NSD1: variants seen among roughly 807,000 people sequenced by gnomAD.
NSD1 encodes histone-lysine N-methyltransferase, H3 lysine-36 specific.
In NSD1, 26 loss-of-function variants were observed where a neutral mutation model predicts 242.7. The observed-to-expected ratio is 0.11, with a 90% CI of 0.08 to 0.15. NSD1 has a LOEUF of 0.15. Ranked by LOEUF, NSD1 falls within the 10% of genes least tolerant of loss-of-function variation. The pLI is 1.00. For missense variants in NSD1, 2,495 were observed against 3,272.8 expected (o/e 0.76, Z 5.80); for synonymous variants, 1,106 against 1,178.1 (o/e 0.94, Z 1.25).
chr5:177,182,604 C>T (rs1384099142), intron 2 of NSD1, among the ~76,000 whole-genome samples: 2 of 151,824 alleles, frequency 1.3e-5, no homozygotes, highest in African/African-American at 4.8e-5. Context: ...CCTCCCCTCC[C>T]TTCCCCTCCC....
intron 11 of NSD1, among the ~76,000 whole-genome samples, chr5:177,249,783 G>A (rs1213726234): frequency 3.9e-5 from 6 of 152,124 alleles, no homozygotes; most frequent in Admixed American, 2.6e-4. Flanking sequence ...CACCACGCCC[G>A]GCCAGTTCTT....
At chr5:177,208,527 TC>T (rs1171148431) in intron 4 of NSD1, among the ~76,000 whole-genome samples, 2 of 151,632 alleles carry the variant, frequency 1.3e-5, no homozygotes, top group Non-Finnish European at 2.9e-5. Context: ...TTTCTTTTTT[TC>T]TTTTCTTTTT....
chr5:177,265,947 C>G (rs1427004672), intron 14 of NSD1: 1 of 1,255,138 alleles, frequency 8.0e-7, no homozygotes, highest in African/African-American at 1.5e-5. Context: ...ATGAGGCAGG[C>G]GTTGGTAACC....
chr5:177,279,615 T>TTC (rs1367286974), intron 17 of NSD1, among the ~76,000 whole-genome samples: 1 of 106,532 alleles, frequency 9.4e-6, no homozygotes, highest in Non-Finnish European at 2.0e-5. Flanking sequence ...TGAAAATTTT[T>TTC]TTTTTTTTTT....
At chr5:177,215,227 C>T (rs559745595) in intron 5 of NSD1, among the ~76,000 whole-genome samples, 9 of 151,186 alleles carry the variant, frequency 6.0e-5, no homozygotes, top group African/African-American at 1.7e-4. Flanking sequence ...TTGCCCAGGC[C>T]GGAGTGCAAT....
chr5:177,239,057 C>T (rs996838844), intron 7 of NSD1, among the ~76,000 whole-genome samples: 2 of 152,192 alleles, frequency 1.3e-5, no homozygotes, highest in African/African-American at 2.4e-5. Flanking sequence ...CATATTGTCT[C>T]TAATTCACCT....
At chr5:177,188,875 C>T (rs905906364) in intron 2 of NSD1, among the ~76,000 whole-genome samples, 8 of 151,936 alleles carry the variant, frequency 5.3e-5, no homozygotes, top group African/African-American at 1.9e-4. Context: ...GCTTGGGCAA[C>T]GTGGTTATAT....
At chr5:177,223,922 G>T (rs1764434423) in intron 5 of NSD1, among the ~76,000 whole-genome samples, 1 of 152,188 alleles carries the variant, frequency 6.6e-6, no homozygotes, top group Admixed American at 6.5e-5. Context: ...GGAGGTGGAG[G>T]TTACAATGAG....
intron 10 of NSD1, among the ~76,000 whole-genome samples, 173 bp downstream of exon 10, chr5:177,246,969 G>A (rs995690137): frequency 6.6e-6 from 1 of 152,204 alleles, no homozygotes; most frequent in African/African-American, 2.4e-5. Context: ...ATAAGGCAAG[G>A]CATGTATTGC....
rs1756201633 is a variant in NSD1, at chr5:177,135,103, G to A, written c.-1G>A. 1 of 1,614,164 alleles carries A rather than the reference G, an allele frequency of 6.2e-7. No homozygotes were observed. Among genetic ancestry groups the A allele is most frequent in the Admixed American group, 1.7e-5 (1 of 60,026 alleles). ...GGATTCCAGGTTGATGCCGGCCCAG[G>A]ATGGATCAGACCTGTGAACTACCCA... is the stretch of plus-strand genomic sequence containing the variant. On this transcript the variant is annotated 5_prime_UTR_variant, in exon 2 of 23. Coordinates refer to ENST00000439151, the MANE Select transcript of NSD1 (RefSeq NM_022455.5).
intron 2 of NSD1, among the ~76,000 whole-genome samples, chr5:177,184,694 G>A (rs921987389): frequency 3.3e-5 from 5 of 151,880 alleles, no homozygotes; most frequent in African/African-American, 9.7e-5. Flanking sequence ...ATGTCTGCCT[G>A]GTGTGGGTGT....
At chr5:177,141,309 C>G (rs1265260490) in intron 2 of NSD1, among the ~76,000 whole-genome samples, 1 of 145,350 alleles carries the variant, frequency 6.9e-6, no homozygotes, top group Admixed American at 6.9e-5. Flanking sequence ...CGTGAGCCAC[C>G]GCGCGCAGCC....
rs753503756 is a variant in NSD1, at chr5:177,171,306, CA to C, written c.928-20566del. ...TGGCGACAGAGCGAGACTCCGTCTCCAAAAAAAAAAAAGGAAACCTTGTACG... is the reference window on the plus strand; with the variant it reads ...TGGCGACAGAGCGAGACTCCGTCTCCAAAAAAAAAAAGGAAACCTTGTACG... On this transcript the variant is annotated intron_variant, in intron 2 of 22. Coordinates refer to ENST00000439151, the MANE Select transcript of NSD1 (RefSeq NM_022455.5). Among the ~76,000 whole-genome samples, 414 of 134,542 alleles carry C rather than the reference CA, an allele frequency of 3.1e-3. 1 individual carries two copies. Among genetic ancestry groups the C allele is most frequent in the Middle Eastern group, 7.6e-3 (2 of 264 alleles). The allele number at this position is 134,542 out of a possible 152,430, so 88.3% of individuals were successfully genotyped here. A position where few individuals can be genotyped will look rare whatever the true frequency, so the allele number is the denominator to read the frequency against.
intron 2 of NSD1, among the ~76,000 whole-genome samples, chr5:177,158,266 TTTCTTTCTTTC>T (rs1562130165): frequency 9.7e-6 from 1 of 102,750 alleles, no homozygotes; most frequent in Non-Finnish European, 1.8e-5. Flanking sequence ...TCTTTCTTTC[TTTCTTTCTTTC>T]TTTCTTTCTT....
At chr5:177,189,346 A>T (rs1161435261) in intron 2 of NSD1, among the ~76,000 whole-genome samples, 1 of 152,162 alleles carries the variant, frequency 6.6e-6, no homozygotes, top group Non-Finnish European at 1.5e-5. Flanking sequence ...TCTTTACCTG[A>T]TACCACTGAC....
chr5:177,136,396 C>G (rs1474831116), intron 2 of NSD1: 2 of 195,900 alleles, frequency 1.0e-5, no homozygotes, highest in East Asian at 2.2e-4. Context: ...CAATTTAGTA[C>G]TTGGAGTCCT....
At chr5:177,174,171 C>T (rs1395197582) in intron 2 of NSD1, among the ~76,000 whole-genome samples, 2 of 151,894 alleles carry the variant, frequency 1.3e-5, no homozygotes, top group Non-Finnish European at 2.9e-5. Flanking sequence ...TCGAGACCAT[C>T]CTGGCCAACA....
chr5:177,295,146 C>G lies in NSD1; in HGVS notation c.7778C>G (p.Ala2593Gly), dbSNP rs779086972. Residue 2593 changes from alanine (A) to glycine (G), a missense_variant, in exon 23 of 23, where the codon GCC becomes GGC. This residue lies in a region of NSD1 where 475 missense variants were observed against 563.7 expected (regional missense o/e 0.84). Coordinates refer to ENST00000439151, the MANE Select transcript of NSD1 (RefSeq NM_022455.5). This position sits in a 1 kb window ranked among gnomAD's most constrained non-coding sequence, Gnocchi z 4.3. Reference sequence around the variant, plus strand: ...GGAGGCCAGCAACTACCTGCACTTGCCGCCAAGAGTGGGCAATCTTTTAGG... The same window carrying G: ...GGAGGCCAGCAACTACCTGCACTTGGCGCCAAGAGTGGGCAATCTTTTAGG... ...MVGGQQLPALAAKSGQSFRSL... is the reference protein window; with the variant it reads ...MVGGQQLPALGAKSGQSFRSL... 2 of 1,613,962 alleles carry G rather than the reference C, an allele frequency of 1.2e-6. No homozygotes were observed. The highest frequency in any genetic ancestry group is 1.3e-5 in the African/African-American group (1 of 74,926).
At chr5:177,213,473 CT>C (rs1307189415) in intron 5 of NSD1, among the ~76,000 whole-genome samples, 2 of 150,626 alleles carry the variant, frequency 1.3e-5, no homozygotes, top group African/African-American at 2.4e-5. Flanking sequence ...GTTTTTTTTT[CT>C]TTTTTTTTCT....
Sources: gnomAD v4.1 joint callset for allele counts (sites outside exome capture counted in the v4.1 genomes callset) on GRCh38, gnomAD v4.1.1 for gene constraint, gnomAD v4.1.1 regional missense constraint, Gnocchi (gnomAD v3.1) non-coding constraint, MANE v1.5 for transcripts, NCBI Gene and HGNC (gene_info 2026-07-23, HGNC 2026-07-21) for gene names.